GRIN3A: variants seen among roughly 807,000 people sequenced by gnomAD.
GRIN3A encodes the protein glutamate receptor ionotropic, NMDA 3A.
In GRIN3A, 47 loss-of-function variants were observed where a neutral mutation model predicts 92.4. That is an observed-to-expected ratio of 0.51 (90% CI 0.40 to 0.65). The LOEUF (loss-of-function observed/expected upper bound fraction) is 0.65, where lower values mean the gene tolerates loss of function less well. Ranked by LOEUF, GRIN3A falls within the 30% of genes least tolerant of loss-of-function variation. The pLI, the probability that GRIN3A is intolerant of heterozygous loss-of-function variation, is 0.00. For synonymous variants in GRIN3A, 527 were observed against 540.6 expected (o/e 0.97, Z 0.35); for missense variants, 1,324 against 1,393.1 (o/e 0.95, Z 0.79).
At chr9:101,693,811 G>T (rs1829649916) in intron 1 of GRIN3A, among the ~76,000 whole-genome samples, 1 of 152,136 alleles carries the variant, frequency 6.6e-6, no homozygotes, top group Non-Finnish European at 1.5e-5. Flanking sequence ...AAGAATGATA[G>T]TTGCATAATT....
At chr9:101,606,112 C>A (rs1353008982) in intron 6 of GRIN3A, among the ~76,000 whole-genome samples, 1 of 152,220 alleles carries the variant, frequency 6.6e-6, no homozygotes, top group African/African-American at 2.4e-5. Flanking sequence ...TGGTCTCTCT[C>A]CCCGCAGGCT....
intron 1 of GRIN3A, among the ~76,000 whole-genome samples, chr9:101,688,229 G>T (rs1268562302): frequency 6.6e-6 from 1 of 152,156 alleles, no homozygotes; most frequent in Non-Finnish European, 1.5e-5. Flanking sequence ...AGTGTGGCCT[G>T]TCCCTACGTA....
At chr9:101,592,799 C>T (rs1828050743) in intron 6 of GRIN3A, 2 of 149,304 alleles carry the variant, frequency 1.3e-5, no homozygotes, top group Admixed American at 1.3e-4. Context: ...TTGCCAGCTT[C>T]TTCCAAATAA....
chr9:101,683,130 A>G (rs1287690704), intron 2 of GRIN3A, among the ~76,000 whole-genome samples: 1 of 152,180 alleles, frequency 6.6e-6, no homozygotes, highest in African/African-American at 2.4e-5. Context: ...GAAGAATAAA[A>G]TCTCTAATAC....
At chr9:101,679,379 C>G (rs1316935720) in intron 2 of GRIN3A, among the ~76,000 whole-genome samples, 1 of 152,080 alleles carries the variant, frequency 6.6e-6, no homozygotes, top group Admixed American at 6.6e-5. Flanking sequence ...TCTGCTGAAT[C>G]CTAGATTAAG....
rs781046795 is a variant in GRIN3A, at chr9:101,572,196, G to A, written c.*978C>T. On this transcript the variant is annotated 3_prime_UTR_variant, in exon 9 of 9. Transcript: ENST00000361820. ...AGGTTTTGGGATTTCTATGCTAAGC[G>A]ATGGGTGACTGCTGATCTGAAAATG... is the stretch of plus-strand genomic sequence containing the variant. The A allele has an allele frequency of 3.3e-5, 5 of 152,890 alleles. No homozygotes were observed. The highest frequency in any genetic ancestry group is 2.1e-4 in the South Asian group (1 of 4,832). 9.5% of individuals were successfully genotyped at this position (152,890 alleles called of 1,614,324 possible).
chr9:101,729,073 A>G (rs182429720), intron 1 of GRIN3A, among the ~76,000 whole-genome samples: 1 of 152,304 alleles, frequency 6.6e-6, no homozygotes. Flanking sequence ...TGTACTTAGC[A>G]GTGAGTGGAA....
At chr9:101,660,336 A>G (rs537503220) in intron 3 of GRIN3A, among the ~76,000 whole-genome samples, 1 of 151,860 alleles carries the variant, frequency 6.6e-6, no homozygotes, top group Non-Finnish European at 1.5e-5. Context: ...GTCCTGGCTC[A>G]AACACTCTGG....
intron 5 of GRIN3A, among the ~76,000 whole-genome samples, chr9:101,621,912 A>G (rs1423163462): frequency 6.6e-6 from 1 of 152,250 alleles, no homozygotes. Flanking sequence ...CAGATGCCAC[A>G]AAAAAGGAGA....
chr9:101,631,677 C>T (rs1453288147), intron 3 of GRIN3A, among the ~76,000 whole-genome samples: 1 of 152,136 alleles, frequency 6.6e-6, no homozygotes, highest in Non-Finnish European at 1.5e-5. Flanking sequence ...CATCAGCTCC[C>T]ATATCTGTCT....
intron 1 of GRIN3A, among the ~76,000 whole-genome samples, chr9:101,736,697 C>T (rs1830210109): frequency 6.6e-6 from 1 of 152,190 alleles, no homozygotes. Flanking sequence ...TCTTCTCTAC[C>T]TATGGCTTCT....
At chr9:101,690,676 G>T (rs114316673) in intron 1 of GRIN3A, among the ~76,000 whole-genome samples, 2,061 of 152,218 alleles carry the variant, frequency 0.014, 37 homozygotes, top group African/African-American at 0.046. Flanking sequence ...TTTGGAAAAA[G>T]AAAATGATAG....
chr9:101,698,196 T>C (rs1414137825), intron 1 of GRIN3A, among the ~76,000 whole-genome samples: 1 of 152,194 alleles, frequency 6.6e-6, no homozygotes, highest in Admixed American at 6.5e-5. Flanking sequence ...ACTGTAAGAA[T>C]CCTGAAATTA....
chr9:101,669,609 T>C (rs779248216), intron 3 of GRIN3A, among the ~76,000 whole-genome samples: 2 of 152,136 alleles, frequency 1.3e-5, no homozygotes, highest in Non-Finnish European at 2.9e-5. Flanking sequence ...ATTCTTTCCA[T>C]TGTATCACTT....
intron 1 of GRIN3A, among the ~76,000 whole-genome samples, chr9:101,729,386 G>C (rs776732993): frequency 3.3e-5 from 5 of 152,108 alleles, no homozygotes; most frequent in Admixed American, 6.6e-5. Flanking sequence ...GAGCCTCTGA[G>C]GGGAAAACCC....
chr9:101,623,250 G>C, intron 5 of GRIN3A, 68 bp downstream of exon 5: 2 of 1,041,466 alleles, frequency 1.9e-6, no homozygotes, highest in Non-Finnish European at 3.0e-6. Flanking sequence ...TTTGGCATTT[G>C]TGACTTTCTA....
At chr9:101,647,319 A>G (rs1828950194) in intron 3 of GRIN3A, among the ~76,000 whole-genome samples, 1 of 151,988 alleles carries the variant, frequency 6.6e-6, no homozygotes, top group Non-Finnish European at 1.5e-5. Context: ...GTGTTGAACC[A>G]TCCTTCTGTC....
At chr9:101,612,274 G>A (rs905405410) in intron 6 of GRIN3A, among the ~76,000 whole-genome samples, 1 of 152,178 alleles carries the variant, frequency 6.6e-6, no homozygotes, top group Non-Finnish European at 1.5e-5. Flanking sequence ...AAAAGACATG[G>A]CTTGTTGATG....
chr9:101,681,275 A>T lies in GRIN3A; in HGVS notation c.1304+5321T>A, dbSNP rs12378601. On this transcript the variant is annotated intron_variant, in intron 2 of 8. Coordinates refer to ENST00000361820, the MANE Select transcript of GRIN3A (RefSeq NM_133445.3). ...AAACAATGTTTATATCCTAATGTTTAAAAAAAATTACTTGCAAAGCTTTTA... is the reference window on the plus strand; with the variant it reads ...AAACAATGTTTATATCCTAATGTTTTAAAAAAATTACTTGCAAAGCTTTTA... Among the ~76,000 whole-genome samples, 178 of 152,094 alleles carry T rather than the reference A, an allele frequency of 1.2e-3. 1 individual carries two copies. The highest frequency in any genetic ancestry group is 1.8e-3 in the Non-Finnish European group (123 of 68,010).
Sources: gnomAD v4.1 joint callset for allele counts (sites outside exome capture counted in the v4.1 genomes callset) on GRCh38, gnomAD v4.1.1 for gene constraint, MANE v1.5 for transcripts, NCBI Gene and HGNC (gene_info 2026-07-23, HGNC 2026-07-21) for gene names.